Variants in FAHD1 observed in about 807,000 individuals in gnomAD.
FAHD1 encodes the protein oxaloacetate tautomerase FAHD1, mitochondrial.
In FAHD1, 14 loss-of-function variants were observed where a neutral mutation model predicts 12.7. That is an observed-to-expected ratio of 1.10 (90% CI 0.73 to 1.72). FAHD1 has a LOEUF of 1.72. FAHD1 is among the 40% of genes most tolerant of loss of function. The pLI, the probability that FAHD1 is intolerant of heterozygous loss-of-function variation, is 0.00. For missense variants in FAHD1, 351 were observed against 298.9 expected (o/e 1.17, Z -1.29); for synonymous variants, 153 against 124.9 (o/e 1.22, Z -1.50).
chr16:1,838,792 A>G (rs1898817668), intron 2 of FAHD1, among the ~76,000 whole-genome samples: 1 of 152,124 alleles, frequency 6.6e-6, no homozygotes, highest in Non-Finnish European at 1.5e-5. Context: ...CCTGGGCTCA[A>G]GTGATTCTCG....
At chr16:1,831,142 T>G (rs1221983140), downstream of FAHD1, among the ~76,000 whole-genome samples, 3 of 152,226 alleles carry the variant, frequency 2.0e-5, no homozygotes, top group East Asian at 3.8e-4. Context: ...TTAAAACATG[T>G]TGATTGGCCT....
downstream of FAHD1, among the ~76,000 whole-genome samples, chr16:1,831,543 G>A (rs1898619815): frequency 6.6e-6 from 1 of 152,190 alleles, no homozygotes; most frequent in South Asian, 2.1e-4. Flanking sequence ...ACTTCAGCAA[G>A]TGAAGATTTT....
chr16:1,830,013 G>A (rs895427885), downstream of FAHD1, among the ~76,000 whole-genome samples: 2 of 152,066 alleles, frequency 1.3e-5, no homozygotes, highest in Admixed American at 6.6e-5. Context: ...ACAGGCATAC[G>A]CCACCACACC....
chr16:1,834,429 T>C (rs980211389), intron 1 of FAHD1: 1 of 877,164 alleles, frequency 1.1e-6, no homozygotes, highest in South Asian at 1.5e-5. Flanking sequence ...GTATATCAAG[T>C]TGAAAAATCA....
At chr16:1,835,028 G>T (rs1293605379) in intron 1 of FAHD1, among the ~76,000 whole-genome samples, 1 of 151,666 alleles carries the variant, frequency 6.6e-6, no homozygotes, top group African/African-American at 2.4e-5. Flanking sequence ...GCCAAGGCAG[G>T]TAGATCACTT....
At chr16:1,829,935 C>T (rs777081258), downstream of FAHD1, among the ~76,000 whole-genome samples, 21 of 151,974 alleles carry the variant, frequency 1.4e-4, no homozygotes, top group Non-Finnish European at 2.8e-4. Context: ...ACAATCTCGG[C>T]TCACTGCAAC....
downstream of FAHD1, among the ~76,000 whole-genome samples, chr16:1,829,247 C>CT (rs1898580622): frequency 6.6e-6 from 1 of 152,148 alleles, no homozygotes; most frequent in Non-Finnish European, 1.5e-5. Flanking sequence ...TGAAGAAAGC[C>CT]TAGGACATCT....
downstream of FAHD1, among the ~76,000 whole-genome samples, chr16:1,833,538 G>A (rs1337407658): frequency 1.4e-5 from 2 of 144,248 alleles, no homozygotes; most frequent in African/African-American, 5.1e-5. Flanking sequence ...CTCTCAGAAA[G>A]TAGTCTTTAG....
exon 1 of FAHD1, chr16:1,827,575 G>A (rs145930740): frequency 1.2e-6 from 2 of 1,613,414 alleles, no homozygotes; most frequent in African/African-American, 1.3e-5. Flanking sequence ...CAAGAAGAAG[G>A]GGCTGCCCTG....
chr16:1,833,447 G>A (rs889582588), downstream of FAHD1, among the ~76,000 whole-genome samples: 5 of 151,598 alleles, frequency 3.3e-5, no homozygotes, highest in Non-Finnish European at 5.9e-5. Flanking sequence ...GATTGCCCAC[G>A]ACTTTGGCTA....
chr16:1,836,435 G>A (rs886244345), intron 1 of FAHD1, among the ~76,000 whole-genome samples: 10 of 152,202 alleles, frequency 6.6e-5, no homozygotes, highest in Admixed American at 2.6e-4. Flanking sequence ...GGTGCCTCCT[G>A]TCTGGAGGGA....
chr16:1,839,279 A>C (rs1472125651), exon 3 of FAHD1: 1 of 1,612,298 alleles, frequency 6.2e-7, no homozygotes. Context: ...TCTCCTCAGC[A>C]ACACTTCCTG....
At chr16:1,834,649 G>A (rs1055471352) in intron 1 of FAHD1, among the ~76,000 whole-genome samples, 2 of 152,192 alleles carry the variant, frequency 1.3e-5, no homozygotes, top group African/African-American at 2.4e-5. Context: ...TAATGTGGCC[G>A]GGTGCTGGTG....
downstream of FAHD1, among the ~76,000 whole-genome samples, chr16:1,832,178 C>CTTTT (rs57889123): frequency 0.17 from 17,937 of 108,310 alleles, 2,157 homozygotes; most frequent in Admixed American, 0.2. Context: ...TATGGTCATT[C>CTTTT]TTTTTTTTTT....
chr16:1,833,115 C>T (rs913414763), downstream of FAHD1, among the ~76,000 whole-genome samples: 17 of 152,116 alleles, frequency 1.1e-4, no homozygotes, highest in African/African-American at 3.9e-4. Flanking sequence ...CTGACCTTAG[C>T]GGTGGGTCTT....
At chr16:1,831,100 T>C (rs1898614405), downstream of FAHD1, among the ~76,000 whole-genome samples, 1 of 152,204 alleles carries the variant, frequency 6.6e-6, no homozygotes, top group South Asian at 2.1e-4. Flanking sequence ...GTACAGAATA[T>C]ATGGTTTGAC....
At chr16:1,835,179 G>A (rs550033373) in intron 1 of FAHD1, among the ~76,000 whole-genome samples, 4 of 152,130 alleles carry the variant, frequency 2.6e-5, no homozygotes, top group African/African-American at 9.6e-5. Context: ...ACTTGAGCCT[G>A]GGAAGGTTGA....
chr16:1,828,453 CTT>C (rs1898556458), exon 1 of FAHD1: 1 of 1,000,814 alleles, frequency 1.0e-6, no homozygotes, highest in African/African-American at 1.7e-5. Flanking sequence ...GTTAAAAAGA[CTT>C]TCCTTTTGTA....
At chr16:1,833,507 A>G (rs4405553), downstream of FAHD1, among the ~76,000 whole-genome samples, 19,357 of 150,594 alleles carry the variant, frequency 0.13, 1,732 homozygotes, top group Middle Eastern at 0.29. Flanking sequence ...CAGATCTGTC[A>G]GATGACGAGT....
Sources: allele counts gnomAD v4.1 joint callset (sites outside exome capture counted in the v4.1 genomes callset), GRCh38; gene constraint gnomAD v4.1.1; transcripts MANE v1.5; gene names NCBI Gene and HGNC (gene_info 2026-07-23, HGNC 2026-07-21).